The following NRG1 variants were observed in gnomAD, a reference collection of about 807,000 sequenced individuals.
The protein encoded by NRG1 is neuregulin 1, also known as pro-neuregulin-1, membrane-bound isoform.
Under a neutral mutation model 63.8 loss-of-function variants are expected in NRG1, and 18 were observed. The observed-to-expected ratio is 0.28, with a 90% CI of 0.19 to 0.42. The LOEUF is 0.42. Ranked by LOEUF, NRG1 falls within the 10% of genes least tolerant of loss-of-function variation. The pLI, the probability that NRG1 is intolerant of heterozygous loss-of-function variation, is 1.00. For synonymous variants in NRG1, 302 were observed against 301.3 expected, an observed-to-expected ratio of 1.00 and a Z score of -0.02; for missense variants, 762 against 814.7, an observed-to-expected ratio of 0.94 and a Z score of 0.79.
At chr8:32,344,386 T>TTCTTTC (rs1804541547) in intron 1 of NRG1, among the ~76,000 whole-genome samples, 1 of 101,480 alleles carries the variant, frequency 9.9e-6, no homozygotes, top group Non-Finnish European at 2.1e-5. Context: ...TTCTTTCTCT[T>TTCTTTC]TCTTTCTTTT....
At chr8:31,940,370 C>T (rs1404850736) in intron 1 of NRG1, among the ~76,000 whole-genome samples, 1 of 151,348 alleles carries the variant, frequency 6.6e-6, no homozygotes, top group African/African-American at 2.4e-5. Flanking sequence ...AGTGACACAG[C>T]CTATCAAAAC....
chr8:32,594,022 A>G (rs1842950850), intron 1 of NRG1, among the ~76,000 whole-genome samples: 1 of 152,200 alleles, frequency 6.6e-6, no homozygotes, highest in Non-Finnish European at 1.5e-5. Flanking sequence ...GGGAATATGT[A>G]GCTGTAGGGG....
chr8:31,855,494 G>T (rs1323340804), intron 1 of NRG1, among the ~76,000 whole-genome samples: 1 of 151,952 alleles, frequency 6.6e-6, no homozygotes, highest in Non-Finnish European at 1.5e-5. Context: ...TTTATTTTGA[G>T]CCTATGTGTG....
intron 1 of NRG1, among the ~76,000 whole-genome samples, chr8:31,957,146 G>C (rs907495438): frequency 6.6e-6 from 1 of 151,396 alleles, no homozygotes. Context: ...GGGAATTTTT[G>C]TCAGAAAATT....
At chr8:32,737,954 T>G (rs1303549755) in intron 6 of NRG1, among the ~76,000 whole-genome samples, 1 of 152,110 alleles carries the variant, frequency 6.6e-6, no homozygotes, top group African/African-American at 2.4e-5. Flanking sequence ...ATTACGGGTC[T>G]TAGCCACCAC....
chr8:32,628,733 CTTTT>C (rs66843732), intron 5 of NRG1, among the ~76,000 whole-genome samples: 5 of 138,142 alleles, frequency 3.6e-5, no homozygotes, highest in African/African-American at 8.0e-5. Context: ...ACTTTCTGCC[CTTTT>C]TTTTTTTTTT....
chr8:32,100,430 A>G (rs1325272291), intron 1 of NRG1, among the ~76,000 whole-genome samples: 1 of 152,200 alleles, frequency 6.6e-6, no homozygotes, highest in East Asian at 1.9e-4. Context: ...AATTCTTATC[A>G]GTTAAATGTG....
intron 1 of NRG1, among the ~76,000 whole-genome samples, chr8:32,354,226 A>G (rs548359954): frequency 4.6e-5 from 7 of 152,126 alleles, no homozygotes; most frequent in African/African-American, 1.7e-4. Flanking sequence ...AAAATTAGCC[A>G]GGCGTGGTGA....
Position 31,640,392 on chromosome 8 carries a change from C to T in NRG1, c.37+961C>T, listed in dbSNP as rs1365173233. ...CCGCCGAGGAGCCGCTGCTCGCCGCCAACGGGACCGTGCCCTCTTGGCCCA... is the reference window on the plus strand; with the variant it reads ...CCGCCGAGGAGCCGCTGCTCGCCGCTAACGGGACCGTGCCCTCTTGGCCCA... On this transcript the variant is annotated intron_variant, in intron 1 of 10. Coordinates refer to the NRG1 transcript ENST00000519301. This position sits in a 1 kb window ranked among gnomAD's most constrained non-coding sequence, Gnocchi z 6.3. 5 of 1,392,716 alleles carry T rather than the reference C, an allele frequency of 3.6e-6. No homozygotes were observed. Among genetic ancestry groups the T allele is most frequent in the Non-Finnish European group, 4.7e-6 (5 of 1,068,152 alleles). The allele number at this position is 1,392,716 out of a possible 1,614,324, so 86.3% of individuals were successfully genotyped here.
chr8:31,690,092 C>G (rs1045405770), intron 1 of NRG1, among the ~76,000 whole-genome samples: 2 of 152,180 alleles, frequency 1.3e-5, no homozygotes, highest in Non-Finnish European at 1.5e-5. Flanking sequence ...TTCTTGAGAT[C>G]TGATAGTTTT....
exon 12 of NRG1, chr8:32,765,287 A>C (rs1170614510): frequency 6.6e-6 from 1 of 152,112 alleles, no homozygotes; most frequent in Non-Finnish European, 1.5e-5. Flanking sequence ...ATCATTTCTG[A>C]CATGTATTTT....
rs1563797243 is a variant in NRG1 at position 32,626,029 on chromosome 8, A to G, written c.502+9144A>G. 1.3e-5 allele frequency among the ~76,000 whole-genome samples: 2 copies of G among 151,756 alleles called. 1 individual carries two copies. Among genetic ancestry groups the G allele is most frequent in the South Asian group, 4.2e-4 (2 of 4,818 alleles). On this transcript the variant is annotated intron_variant, in intron 5 of 11. Transcript: ENST00000356819. The stretch of plus-strand genomic sequence containing the variant: ...GGCTGGTCTTGAACTCCTGACCTCA[A>G]GTGATCTGCCCACCTTGGCCTCCCA...
intron 1 of NRG1, among the ~76,000 whole-genome samples, chr8:31,685,402 T>C (rs921889102): frequency 6.6e-6 from 1 of 152,158 alleles, no homozygotes; most frequent in Non-Finnish European, 1.5e-5. Flanking sequence ...GTAATAAACA[T>C]ATTTTGGTTA....
intron 1 of NRG1, among the ~76,000 whole-genome samples, chr8:32,159,466 G>A (rs1474511015): frequency 5.4e-5 from 8 of 148,896 alleles, no homozygotes; most frequent in South Asian, 2.1e-4. Context: ...CCCAGGAAGC[G>A]GTGCTTGCAG....
chr8:31,701,875 C>T (rs1489616084), intron 1 of NRG1, among the ~76,000 whole-genome samples: 1 of 152,146 alleles, frequency 6.6e-6, no homozygotes, highest in Non-Finnish European at 1.5e-5. Context: ...GATTCTGATT[C>T]AGTAGTGGTC....
At chr8:32,367,002 G>T (rs546833511) in intron 1 of NRG1, among the ~76,000 whole-genome samples, 1 of 151,986 alleles carries the variant, frequency 6.6e-6, no homozygotes, top group Admixed American at 6.6e-5. Flanking sequence ...GTGAGCCACC[G>T]CATCTGGCCT....
chr8:31,824,715 G>A (rs893145309), intron 1 of NRG1, among the ~76,000 whole-genome samples: 13 of 152,284 alleles, frequency 8.5e-5, no homozygotes, highest in South Asian at 8.3e-4. Flanking sequence ...TATAATTGGC[G>A]AAAGGAAGTT....
At chr8:32,770,667 C>T (rs561106497), downstream of NRG1, among the ~76,000 whole-genome samples, 2 of 152,214 alleles carry the variant, frequency 1.3e-5, no homozygotes, top group Non-Finnish European at 2.9e-5. Flanking sequence ...TTCACAATTT[C>T]GACATGTAGG....
intron 1 of NRG1, among the ~76,000 whole-genome samples, chr8:32,170,457 G>T (rs1839910839): frequency 6.6e-6 from 1 of 152,164 alleles, no homozygotes; most frequent in Admixed American, 6.5e-5. Context: ...AAGACCAGGT[G>T]CCTGTATTGT....
Sources: gnomAD v4.1 joint callset for allele counts (sites outside exome capture counted in the v4.1 genomes callset) on GRCh38, gnomAD v4.1.1 for gene constraint, Gnocchi (gnomAD v3.1) non-coding constraint, MANE v1.5 for transcripts, NCBI Gene and HGNC (gene_info 2026-07-23, HGNC 2026-07-21) for gene names.